HSPA12A: variants seen among roughly 807,000 people sequenced by gnomAD.
HSPA12A encodes heat shock protein family A (Hsp70) member 12A, also known as heat shock 70 kDa protein 12A.
A neutral mutation model predicts 69.2 loss-of-function variants in HSPA12A; 28 were observed. The observed-to-expected ratio is 0.40, with a 90% CI of 0.30 to 0.55. The LOEUF is 0.55. Among genes scored for constraint, HSPA12A ranks in the 20% least tolerant of loss-of-function variants. The probability of loss-of-function intolerance (pLI) is 0.38; values close to 1 mark genes in which losing one functional copy is unlikely to be tolerated. For synonymous variants in HSPA12A, 345 were observed against 370.5 expected (o/e 0.93, Z 0.79); for missense variants, 686 against 900.7 (o/e 0.76, Z 3.05).
chr10:116,724,766 T>TAG (rs1554884785), intron 1 of HSPA12A, among the ~76,000 whole-genome samples: 1 of 152,218 alleles, frequency 6.6e-6, no homozygotes, highest in African/African-American at 2.4e-5. Context: ...TCCTGTGGCC[T>TAG]CACTGGGTGC....
chr10:116,729,079 T>C (rs1851071422), intron 1 of HSPA12A, among the ~76,000 whole-genome samples: 1 of 152,124 alleles, frequency 6.6e-6, no homozygotes. Context: ...CAAATGTGAG[T>C]TGTGTCTCAG....
intron 1 of HSPA12A, among the ~76,000 whole-genome samples, chr10:116,726,778 T>C (rs577766642): frequency 2.6e-5 from 4 of 152,320 alleles, no homozygotes; most frequent in Non-Finnish European, 4.4e-5. Context: ...AGGTTTCTGT[T>C]TCTTCATGTG....
chr10:116,741,994 C>T (rs375742681), intron 1 of HSPA12A, among the ~76,000 whole-genome samples: 2 of 152,294 alleles, frequency 1.3e-5, no homozygotes, highest in African/African-American at 4.8e-5. Flanking sequence ...CTCGCTGAGT[C>T]ACGAAAATTA....
At chr10:116,724,224 G>A (rs1554884732) in intron 1 of HSPA12A, among the ~76,000 whole-genome samples, 3 of 152,128 alleles carry the variant, frequency 2.0e-5, no homozygotes, top group African/African-American at 4.8e-5. Context: ...GAGAGAACAC[G>A]CACTTTGGGT....
At chr10:116,779,911 G>A (rs1028180762) in intron 2 of HSPA12A, among the ~76,000 whole-genome samples, 2 of 152,108 alleles carry the variant, frequency 1.3e-5, no homozygotes, top group East Asian at 1.9e-4. Flanking sequence ...CTCCCTAGGG[G>A]ACTGCAGCCA....
At chr10:116,707,524 G>A (rs1210470179) in intron 1 of HSPA12A, among the ~76,000 whole-genome samples, 2 of 152,170 alleles carry the variant, frequency 1.3e-5, no homozygotes, top group East Asian at 3.9e-4. Context: ...TCGCCACCAG[G>A]CCTCTCACTC....
chr10:116,716,979 T>G (rs182005809), intron 1 of HSPA12A, among the ~76,000 whole-genome samples: 45 of 152,328 alleles, frequency 3.0e-4, no homozygotes, highest in Admixed American at 2.6e-3. Flanking sequence ...AAACTCAAAT[T>G]ATTAATTCAA....
intron 2 of HSPA12A, among the ~76,000 whole-genome samples, chr10:116,799,689 G>C (rs554104366): frequency 3.9e-5 from 6 of 152,316 alleles, no homozygotes; most frequent in African/African-American, 1.4e-4. Flanking sequence ...CACCGGCCCT[G>C]TGCCTCACCT....
At chr10:116,783,708 T>C (rs185990261) in intron 2 of HSPA12A, among the ~76,000 whole-genome samples, 90 of 152,328 alleles carry the variant, frequency 5.9e-4, no homozygotes, top group African/African-American at 2.1e-3. Flanking sequence ...TGTGTTAGTA[T>C]ACCACCATTT....
At chr10:116,822,621 C>A (rs1054612537) in intron 2 of HSPA12A, among the ~76,000 whole-genome samples, 2 of 152,152 alleles carry the variant, frequency 1.3e-5, no homozygotes, top group East Asian at 3.9e-4. Context: ...TGGTTGGATA[C>A]GGTTCTTCAG....
intron 1 of HSPA12A, among the ~76,000 whole-genome samples, chr10:116,725,474 C>A (rs1245966117): frequency 6.6e-6 from 1 of 152,130 alleles, no homozygotes; most frequent in South Asian, 2.1e-4. Flanking sequence ...ACTGCGTGGC[C>A]CCCAACAGGC....
Position 116,676,466 on chromosome 10 carries a change from C to T in HSPA12A, c.1323G>A (p.Leu441=). Residue 441 remains leucine (L), a synonymous_variant, in exon 11 of 12, where the codon CTG becomes CTA. Coordinates refer to ENST00000369209, the MANE Select transcript of HSPA12A (RefSeq NM_025015.3). ...CGTTCATGGCATCTGGACTCATCCGCAGCATCCCCTGCGAGGACCACTTCA... is the reference window on the plus strand; with the variant it reads ...CGTTCATGGCATCTGGACTCATCCGTAGCATCCCCTGCGAGGACCACTTCA... The part of the protein sequence containing the change: ...DFVKWSSQGM[L]RMSPDAMNAL... 6.2e-7 allele frequency: 1 copy of T among 1,614,036 alleles called. No individual in the cohort carries two copies. The highest frequency in any genetic ancestry group is 8.5e-7 in the Non-Finnish European group (1 of 1,180,038).
intron 1 of HSPA12A, among the ~76,000 whole-genome samples, chr10:116,731,455 C>A (rs918534946): frequency 1.3e-5 from 2 of 152,170 alleles, no homozygotes; most frequent in African/African-American, 4.8e-5. Flanking sequence ...ATGGGGCCAG[C>A]GGCCATGTGG....
chr10:116,684,794 G>A (rs1381486309), intron 6 of HSPA12A, among the ~76,000 whole-genome samples: 1 of 152,132 alleles, frequency 6.6e-6, no homozygotes, highest in Non-Finnish European at 1.5e-5. Context: ...AACATTTGGG[G>A]CCTTGGCCTG....
chr10:116,709,420 C>A (rs1850356020), intron 1 of HSPA12A, among the ~76,000 whole-genome samples: 2 of 148,954 alleles, frequency 1.3e-5, no homozygotes, highest in South Asian at 4.3e-4. Flanking sequence ...TGCACTCCAG[C>A]CTGGTGACAG....
Position 116,673,998 on chromosome 10 carries a change from G to T in HSPA12A, c.*783C>A, listed in dbSNP as rs1455027567. 2.6e-5 allele frequency: 4 copies of T among 152,164 alleles called. No individual in the cohort carries two copies. The highest frequency in any genetic ancestry group is 9.7e-5 in the African/African-American group (4 of 41,440). 9.4% of individuals were successfully genotyped at this position (152,164 alleles called of 1,614,324 possible). A position where few individuals can be genotyped will look rare whatever the true frequency, so the allele number is the denominator to read the frequency against. On this transcript the variant is annotated 3_prime_UTR_variant, in exon 12 of 12. Transcript: ENST00000369209. ...GAATTACTTATGAACTCAGAAATCA[G>T]GGCTGGGCATGCTGGGAATTTATGT...
Position 116,674,917 on chromosome 10 carries a change from G to A in HSPA12A, c.1892C>T (p.Thr631Ile), listed in dbSNP as rs1554877343. The change falls in exon 12 of 12, where the codon ACC (threonine) becomes ATC (isoleucine). Residue 631 changes from threonine (T) to isoleucine (I), a missense_variant. Transcript: ENST00000369209. ...CGTLRLDLTGTSGTAVPARRE... is the reference protein window; with the variant it reads ...CGTLRLDLTGISGTAVPARRE... ...CCGGGCGGGCACCGCAGTGCCACTG[G>A]TCCCTGTGAGATCCAGGCGGAGCGT... The A allele has an allele frequency of 1.2e-6, 2 of 1,614,186 alleles. No homozygotes were observed. The highest frequency in any genetic ancestry group is 1.7e-6 in the Non-Finnish European group (2 of 1,180,048).
intron 1 of HSPA12A, among the ~76,000 whole-genome samples, chr10:116,729,252 C>A (rs1028864882): frequency 6.6e-6 from 1 of 152,142 alleles, no homozygotes; most frequent in African/African-American, 2.4e-5. Flanking sequence ...CTGGTAAGAG[C>A]CCCAGCGTAC....
chr10:116,788,578 C>A (rs1844630889), intron 2 of HSPA12A, among the ~76,000 whole-genome samples: 1 of 152,172 alleles, frequency 6.6e-6, no homozygotes, highest in South Asian at 2.1e-4. Context: ...TGGTGAGTAT[C>A]CTTCCAGACT....
Sources: gnomAD v4.1 joint callset for allele counts (sites outside exome capture counted in the v4.1 genomes callset) on GRCh38, gnomAD v4.1.1 for gene constraint, MANE v1.5 for transcripts, NCBI Gene and HGNC (gene_info 2026-07-23, HGNC 2026-07-21) for gene names.